TMEM181: variants seen among roughly 807,000 people sequenced by gnomAD.
The protein encoded by TMEM181 is transmembrane protein 181.
Under a neutral mutation model 71.9 loss-of-function variants are expected in TMEM181, and 39 were observed. That is an observed-to-expected ratio of 0.54 (90% CI 0.42 to 0.71). The LOEUF (loss-of-function observed/expected upper bound fraction) is 0.71. Among genes scored for constraint, TMEM181 ranks in the 30% least tolerant of loss-of-function variants. The pLI, the probability that TMEM181 is intolerant of heterozygous loss-of-function variation, is 0.00. For missense variants in TMEM181, 595 were observed against 583.0 expected (o/e 1.02, Z -0.21); for synonymous variants, 245 against 228.8 (o/e 1.07, Z -0.64).
intron 13 of TMEM181, among the ~76,000 whole-genome samples, chr6:158,626,965 C>T: frequency 6.8e-6 from 1 of 147,802 alleles, no homozygotes; most frequent in Non-Finnish European, 1.5e-5. Context: ...CACTCACACC[C>T]TCTCACACAT....
chr6:158,632,101 TAAC>T lies in TMEM181; in HGVS notation c.*216_*218del. On this transcript the variant is annotated 3_prime_UTR_variant, in exon 17 of 17. Transcript: ENST00000684151. ...TGGTGGCTACGAGAAGAGGCATTGA[TAAC>T]AAGTTTCAACAGCCAAATCCTTTTT... The T allele has an allele frequency of 1.8e-6, 1 of 546,356 alleles. No individual in the cohort carries two copies. Among genetic ancestry groups the T allele is most frequent in the Non-Finnish European group, 3.3e-6 (1 of 306,472 alleles). 33.8% of individuals were successfully genotyped at this position (546,356 alleles called of 1,614,324 possible).
intron 2 of TMEM181, among the ~76,000 whole-genome samples, chr6:158,577,221 A>G (rs7764967): frequency 0.32 from 48,019 of 152,056 alleles, 8,070 homozygotes; most frequent in East Asian, 0.65. Context: ...TGAGGCAACT[A>G]AAGGAAGAGA....
intron 1 of TMEM181, among the ~76,000 whole-genome samples, chr6:158,567,383 G>A (rs111980601): frequency 0.02 from 3,093 of 152,332 alleles, 117 homozygotes; most frequent in African/African-American, 0.069. Context: ...GGAATAACGA[G>A]TGGAAGTTGA....
Position 158,589,796 on chromosome 6 carries a change from C to CTG in TMEM181, c.492+15_492+16dup. 6.4e-7 allele frequency: 1 copy of CTG among 1,555,550 alleles called. No homozygotes were observed. Among genetic ancestry groups the CTG allele is most frequent in the South Asian group, 1.1e-5 (1 of 89,516 alleles). ...ATGAACTTCACAGTAAGTATACCAGCTGACTGCACGTTTCCATGGCTCATG... is the reference window on the plus strand; with the variant it reads ...ATGAACTTCACAGTAAGTATACCAGCTGTGACTGCACGTTTCCATGGCTCATG... On this transcript the variant is annotated intron_variant, in intron 6 of 16. Transcript: ENST00000684151.
chr6:158,590,706 C>T (rs1784064237), intron 6 of TMEM181, among the ~76,000 whole-genome samples: 1 of 152,048 alleles, frequency 6.6e-6, no homozygotes. Context: ...TGGTGATCCG[C>T]CCACCTTGGC....
At chr6:158,559,960 G>C, upstream of TMEM181, 2 of 732,578 alleles carry the variant, frequency 2.7e-6, no homozygotes, top group Non-Finnish European at 3.3e-6. Flanking sequence ...GTGGGGCTCC[G>C]CCCCGGCACG....
intron 1 of TMEM181, chr6:158,536,973 T>G: frequency 2.8e-6 from 2 of 724,948 alleles, no homozygotes; most frequent in Non-Finnish European, 3.4e-6. Flanking sequence ...GACGGCCGCC[T>G]CCGCCGGCCG....
At chr6:158,554,366 G>A (rs973811678) in intron 1 of TMEM181, among the ~76,000 whole-genome samples, 1 of 152,092 alleles carries the variant, frequency 6.6e-6, no homozygotes, top group Admixed American at 6.6e-5. Context: ...GATTACAGGC[G>A]TGAGCCACCG....
intron 2 of TMEM181, among the ~76,000 whole-genome samples, 182 bp from the exon 3 acceptor site, chr6:158,580,758 A>G (rs1170405978): frequency 6.6e-6 from 1 of 152,118 alleles, no homozygotes; most frequent in Non-Finnish European, 1.5e-5. Context: ...CAGAGTGGAT[A>G]TTCTGTGTCT....
At position 158,580,909 on chromosome 6, in the gene TMEM181, T is replaced by C. The variant is rs114583965; in HGVS notation, c.113-31T>C. On this transcript the variant is annotated intron_variant, in intron 2 of 16. Transcript: ENST00000684151. ...TACTAAATTATCAATATTGCTATAA[T>C]CTGCTTTTGTCCTTTTCTGTTACAC... 16 of 1,570,042 alleles carry C rather than the reference T, an allele frequency of 1.0e-5. No homozygotes were observed. In the African/African-American group the frequency reaches 1.9e-4, roughly 18 times the overall value.
intron 6 of TMEM181, among the ~76,000 whole-genome samples, chr6:158,601,471 C>G (rs1196031441): frequency 6.6e-6 from 1 of 151,802 alleles, no homozygotes; most frequent in East Asian, 1.9e-4. Context: ...CGCTTGAACC[C>G]AGGAGAGGGC....
At chr6:158,576,282 T>C (rs1582970886) in intron 2 of TMEM181, among the ~76,000 whole-genome samples, 2 of 152,300 alleles carry the variant, frequency 1.3e-5, no homozygotes, top group African/African-American at 2.4e-5. Context: ...CTAGCGCTTA[T>C]AGAAACCAAG....
At chr6:158,600,095 T>G (rs1784587393) in intron 6 of TMEM181, among the ~76,000 whole-genome samples, 1 of 152,228 alleles carries the variant, frequency 6.6e-6, no homozygotes, top group African/African-American at 2.4e-5. Context: ...AAGCGTGCTC[T>G]CAGCTCACAT....
intron 10 of TMEM181, chr6:158,609,641 C>T (rs550985136): frequency 2.1e-5 from 4 of 192,234 alleles, no homozygotes; most frequent in African/African-American, 9.4e-5. Context: ...TCAGGCCAGC[C>T]TGTATTACGT....
chr6:158,614,546 T>C (rs1785505902), intron 10 of TMEM181, among the ~76,000 whole-genome samples: 1 of 152,238 alleles, frequency 6.6e-6, no homozygotes, highest in Non-Finnish European at 1.5e-5. Flanking sequence ...TGCAGGTTTG[T>C]TACATATGTA....
In TMEM181 at chr6:158,633,564, G is replaced by A. The variant is rs1054708584; in HGVS notation, c.*1676G>A. ...GCATTGACTCTCAGATTACCATGCA[G>A]AGCTTCACGTTATCATCCACGTTAA... On this transcript the variant is annotated 3_prime_UTR_variant, in exon 17 of 17. Transcript: ENST00000684151. 1.3e-5 allele frequency: 2 copies of A among 152,074 alleles called. No individual in the cohort carries two copies. The highest frequency in any genetic ancestry group is 4.8e-5 in the African/African-American group (2 of 41,372). 9.4% of individuals were successfully genotyped at this position (152,074 alleles called of 1,614,324 possible).
chr6:158,560,808 CTT>C (rs1174137046), intron 1 of TMEM181, among the ~76,000 whole-genome samples: 1 of 43,112 alleles, frequency 2.3e-5, no homozygotes, highest in South Asian at 1.0e-3. Flanking sequence ...GATCTGCTGA[CTT>C]TGGGCTTTTT....
At chr6:158,604,644 G>A (rs894899417) in intron 6 of TMEM181, among the ~76,000 whole-genome samples, 2 of 152,146 alleles carry the variant, frequency 1.3e-5, no homozygotes, top group African/African-American at 4.8e-5. Context: ...TCACTCTTCT[G>A]CTTTCACATT....
chr6:158,581,263 A>G (rs972821203), intron 3 of TMEM181, among the ~76,000 whole-genome samples: 2 of 152,202 alleles, frequency 1.3e-5, no homozygotes, highest in Admixed American at 6.5e-5. Context: ...AAGAGTGGCT[A>G]ACTCATCCTG....
Sources: allele counts gnomAD v4.1 joint callset (sites outside exome capture counted in the v4.1 genomes callset), GRCh38; gene constraint gnomAD v4.1.1; transcripts MANE v1.5; gene names NCBI Gene and HGNC (gene_info 2026-07-23, HGNC 2026-07-21).